Variants in MAP4K3 observed in about 807,000 individuals in gnomAD.
The protein encoded by MAP4K3 is MAPK/ERK kinase kinase kinase 3.
MAP4K3 carries 94 observed loss-of-function variants against 143.5 expected under a neutral mutation model. That is an observed-to-expected ratio of 0.65 (90% CI 0.55 to 0.78). The LOEUF is 0.78. Among genes scored for constraint, MAP4K3 ranks in the 30% least tolerant of loss-of-function variants. MAP4K3 has a pLI of 0.00. For synonymous variants in MAP4K3, 416 were observed against 347.2 expected (o/e 1.20, Z -2.20); for missense variants, 1,077 against 1,068.1 (o/e 1.01, Z -0.12).
chr2:39,270,432 A>G (rs1426954289), intron 26 of MAP4K3, among the ~76,000 whole-genome samples: 2 of 152,226 alleles, frequency 1.3e-5, no homozygotes, highest in Non-Finnish European at 2.9e-5. Context: ...TTTAGAGTAC[A>G]CTACAAGGCA....
intron 2 of MAP4K3, among the ~76,000 whole-genome samples, chr2:39,358,598 T>C (rs1054186627): frequency 6.6e-6 from 1 of 152,168 alleles, no homozygotes; most frequent in African/African-American, 2.4e-5. Flanking sequence ...CTCTATGTGA[T>C]TGTGAGAATG....
chr2:39,305,682 T>C lies in MAP4K3; in HGVS notation c.1119+2261A>G, dbSNP rs181451291. On this transcript the variant is annotated intron_variant, in intron 15 of 33. Coordinates refer to ENST00000263881, the MANE Select transcript of MAP4K3 (RefSeq NM_003618.4). ...CCATTGTCACAAGACCCCTGTCAAA[T>C]GCTCCCCTGTACCACAGGAAACTCC... Among the ~76,000 whole-genome samples, 6 of 152,288 alleles carry C rather than the reference T, an allele frequency of 3.9e-5. No individual in the cohort carries two copies. In the East Asian group the frequency reaches 1.2e-3, roughly 29 times the overall value.
chr2:39,310,513 T>C (rs1343757316), intron 13 of MAP4K3, among the ~76,000 whole-genome samples: 2 of 152,232 alleles, frequency 1.3e-5, no homozygotes, highest in Non-Finnish European at 2.9e-5. Flanking sequence ...TATAGGTTGA[T>C]TCTTTATCCT....
chr2:39,256,031 T>C (rs1050337489), intron 31 of MAP4K3, among the ~76,000 whole-genome samples: 5 of 152,240 alleles, frequency 3.3e-5, no homozygotes, highest in Admixed American at 3.3e-4. Context: ...TCCTAGATAA[T>C]GATCTTAAAA....
intron 1 of MAP4K3, among the ~76,000 whole-genome samples, chr2:39,398,384 G>A (rs1285983062): frequency 2.0e-5 from 3 of 152,038 alleles, no homozygotes; most frequent in African/African-American, 7.2e-5. Context: ...AAACCAGGGT[G>A]CAAAGTATTA....
rs1030835916 is a variant in MAP4K3, at chr2:39,337,550, T to C, written c.342A>G (p.Ala114=). The change falls in exon 5 of 34, where the codon GCA becomes GCG. Residue 114 remains alanine, a synonymous_variant. Coordinates refer to ENST00000263881, the MANE Select transcript of MAP4K3 (RefSeq NM_003618.4). ...VTGPLSELQI[A]YVSRETLQGL... ...CCTGCAGTGTTTCTCTGCTAACATATGCAATTTGCAGTTCTGACAGAGGTC... is the reference window on the plus strand; with the variant it reads ...CCTGCAGTGTTTCTCTGCTAACATACGCAATTTGCAGTTCTGACAGAGGTC... 8.1e-6 allele frequency: 13 copies of C among 1,612,074 alleles called. No homozygotes were observed. The highest frequency in any genetic ancestry group is 9.3e-6 in the Non-Finnish European group (11 of 1,178,660).
chr2:39,346,302 A>C (rs1412727182), intron 3 of MAP4K3, among the ~76,000 whole-genome samples: 4 of 152,256 alleles, frequency 2.6e-5, no homozygotes, highest in Non-Finnish European at 4.4e-5. Context: ...GTAGTTAATC[A>C]AAACCTCTGG....
intron 26 of MAP4K3, among the ~76,000 whole-genome samples, chr2:39,268,836 C>A: frequency 6.6e-6 from 1 of 151,706 alleles, no homozygotes; most frequent in Non-Finnish European, 1.5e-5. Flanking sequence ...GACGGGGTTT[C>A]GACATGTTGG....
At chr2:39,292,933 C>A (rs889022775) in intron 17 of MAP4K3, 107 bp from the exon 18 acceptor site, 13 of 950,222 alleles carry the variant, frequency 1.4e-5, no homozygotes, top group Non-Finnish European at 1.8e-5. Flanking sequence ...AATTTTATTT[C>A]TGCATCTTTA....
rs187276243 is a variant in MAP4K3, at chr2:39,286,232, G to T, written c.1587+620C>A. 2.3e-4 allele frequency among the ~76,000 whole-genome samples: 35 copies of T among 152,310 alleles called. No individual in the cohort carries two copies. The East Asian group carries it at 6.7e-3, about 29-fold the overall frequency. On this transcript the variant is annotated intron_variant, in intron 21 of 33. Transcript: ENST00000263881. The stretch of plus-strand genomic sequence containing the variant: ...AAGCAGCGTGCAACCTAGATCCCTT[G>T]CATGCACACTTCACAACAGGGTTTG...
intron 2 of MAP4K3, among the ~76,000 whole-genome samples, chr2:39,360,682 C>T (rs1665742204): frequency 2.6e-5 from 4 of 152,130 alleles, no homozygotes; most frequent in South Asian, 2.1e-4. Flanking sequence ...AGTAAACTTA[C>T]AATCATGGCA....
chr2:39,390,252 G>C (rs1371607957), intron 1 of MAP4K3, among the ~76,000 whole-genome samples: 1 of 152,102 alleles, frequency 6.6e-6, no homozygotes, highest in Non-Finnish European at 1.5e-5. Flanking sequence ...TGTGCCTTCA[G>C]ATTGCCACAC....
intron 21 of MAP4K3, among the ~76,000 whole-genome samples, chr2:39,282,818 G>C (rs17023584): frequency 0.079 from 11,959 of 152,186 alleles, 992 homozygotes; most frequent in African/African-American, 0.21. Flanking sequence ...TGGCTTTCCA[G>C]ACATTTTTGG....
chr2:39,268,191 TA>T (rs1680847284), intron 26 of MAP4K3, among the ~76,000 whole-genome samples: 1 of 152,186 alleles, frequency 6.6e-6, no homozygotes, highest in South Asian at 2.1e-4. Context: ...TGAATTTTTT[TA>T]AAAACTACAA....
chr2:39,354,267 C>T (rs1371223409), intron 3 of MAP4K3, among the ~76,000 whole-genome samples: 1 of 151,956 alleles, frequency 6.6e-6, no homozygotes, highest in African/African-American at 2.4e-5. Flanking sequence ...CACTGTGAAA[C>T]CCCGTCTCTA....
At chr2:39,276,259 T>C (rs543876535) in intron 24 of MAP4K3, among the ~76,000 whole-genome samples, 255 of 152,300 alleles carry the variant, frequency 1.7e-3, no homozygotes, top group African/African-American at 5.8e-3. Context: ...AGCATTACCA[T>C]TCTCTTCAAA....
In MAP4K3 at chr2:39,303,591, T is replaced by G. The variant is rs187320220; in HGVS notation, c.1120-3790A>C. On this transcript the variant is annotated intron_variant, in intron 15 of 33. Transcript: ENST00000263881. The stretch of plus-strand genomic sequence containing the variant: ...TCTTGATCTGTCACCCAAGCTGGAG[T>G]GCAGTGGCACGATCTCGGCTCCCTG... Among the ~76,000 whole-genome samples, 1,078 of 152,280 alleles carry G rather than the reference T, an allele frequency of 7.1e-3. 40 individuals are homozygous for G. The highest frequency in any genetic ancestry group is 2.2e-3 in the Non-Finnish European group (150 of 68,018).
chr2:39,381,197 G>T (rs904059662), intron 1 of MAP4K3, among the ~76,000 whole-genome samples: 3 of 152,154 alleles, frequency 2.0e-5, no homozygotes, highest in Non-Finnish European at 2.9e-5. Flanking sequence ...TATTTGGGCT[G>T]TTTCTACTTT....
At chr2:39,435,286 C>G (rs564821622) in intron 1 of MAP4K3, among the ~76,000 whole-genome samples, 1 of 152,288 alleles carries the variant, frequency 6.6e-6, no homozygotes, top group South Asian at 2.1e-4. Flanking sequence ...AATGTCACTC[C>G]TCTGCTTAAA....
Sources: gnomAD v4.1 joint callset for allele counts (sites outside exome capture counted in the v4.1 genomes callset) on GRCh38, gnomAD v4.1.1 for gene constraint, MANE v1.5 for transcripts, NCBI Gene and HGNC (gene_info 2026-07-23, HGNC 2026-07-21) for gene names.